The following HS3ST4 variants were observed in gnomAD, a reference collection of about 807,000 sequenced individuals.
HS3ST4 encodes the protein heparan sulfate-glucosamine 3-sulfotransferase 4, also known as heparan sulfate glucosamine 3-O-sulfotransferase 4.
HS3ST4 carries 17 observed loss-of-function variants against 29.2 expected under a neutral mutation model. The ratio of observed to expected loss-of-function variants is 0.58; its 90% CI spans 0.40 to 0.87. The LOEUF (loss-of-function observed/expected upper bound fraction) is 0.87. Among genes scored for constraint, HS3ST4 ranks in the 40% least tolerant of loss-of-function variants. The probability of loss-of-function intolerance (pLI) is 0.00; values close to 1 mark genes in which losing one functional copy is unlikely to be tolerated. For synonymous variants in HS3ST4, 314 were observed against 285.7 expected (o/e 1.10, Z -1.00); for missense variants, 627 against 634.5 (o/e 0.99, Z 0.13).
At chr16:26,019,209 G>A (rs1567294906) in intron 1 of HS3ST4, among the ~76,000 whole-genome samples, 1 of 152,010 alleles carries the variant, frequency 6.6e-6, no homozygotes, top group Non-Finnish European at 1.5e-5. Context: ...TGTCCAGGGG[G>A]GCAGTGGGGT....
At chr16:25,707,813 T>C (rs1966385983) in intron 1 of HS3ST4, among the ~76,000 whole-genome samples, 1 of 152,206 alleles carries the variant, frequency 6.6e-6, no homozygotes, top group Non-Finnish European at 1.5e-5. Context: ...CCACTTACAA[T>C]GTTTCTTTGC....
chr16:25,929,106 C>T (rs144927679), intron 1 of HS3ST4, among the ~76,000 whole-genome samples: 1,527 of 152,090 alleles, frequency 0.01, 31 homozygotes, highest in African/African-American at 0.035. Flanking sequence ...TCAGGTGGAC[C>T]GGCGTGGGGG....
At chr16:26,106,518 T>A (rs1329051123) in intron 1 of HS3ST4, among the ~76,000 whole-genome samples, 1 of 152,092 alleles carries the variant, frequency 6.6e-6, no homozygotes, top group African/African-American at 2.4e-5. Context: ...CACTGTAGAG[T>A]ATGAGGTTTG....
In HS3ST4 at chr16:26,066,051, C is replaced by T. The variant is rs149227910; in HGVS notation, c.735-69561C>T. On this transcript the variant is annotated intron_variant, in intron 1 of 1. Transcript: ENST00000331351. ...GGTGGACATGAGATCCATACAGCTG[C>T]CCGTTGTATGATATGCCATATCTTT... 6.5e-3 allele frequency among the ~76,000 whole-genome samples: 993 copies of T among 152,298 alleles called. 10 individuals are homozygous for T. Among genetic ancestry groups the T allele is most frequent in the African/African-American group, 0.022 (932 of 41,552 alleles).
intron 1 of HS3ST4, among the ~76,000 whole-genome samples, chr16:26,007,673 C>T (rs1478074824): frequency 1.3e-5 from 2 of 152,220 alleles, no homozygotes; most frequent in African/African-American, 4.8e-5. Flanking sequence ...CTGATTTGTG[C>T]TTTCAGGCAT....
intron 1 of HS3ST4, among the ~76,000 whole-genome samples, chr16:25,851,632 C>T (rs1044524519): frequency 6.6e-5 from 10 of 152,138 alleles, no homozygotes; most frequent in Non-Finnish European, 1.5e-4. Flanking sequence ...AAAGCTGGTG[C>T]AGCACAGCTA....
intron 1 of HS3ST4, among the ~76,000 whole-genome samples, chr16:26,068,824 G>T (rs74013250): frequency 0.037 from 5,659 of 151,940 alleles, 350 homozygotes; most frequent in African/African-American, 0.13. Flanking sequence ...TAGGTGAATT[G>T]TTTGATTTTT....
chr16:25,700,153 G>A lies in HS3ST4; in HGVS notation c.734+7002G>A, dbSNP rs955971958. Reference sequence around the variant, plus strand: ...AGCTCTCCAGAGAATAATCAGAACCGGATTCCAGAATTTGGTCTATTGTAA... The same window carrying A: ...AGCTCTCCAGAGAATAATCAGAACCAGATTCCAGAATTTGGTCTATTGTAA... On this transcript the variant is annotated intron_variant, in intron 1 of 1. Coordinates refer to ENST00000331351, the MANE Select transcript of HS3ST4 (RefSeq NM_006040.3). 3.3e-5 allele frequency among the ~76,000 whole-genome samples: 5 copies of A among 152,154 alleles called. No homozygotes were observed. In the South Asian group the frequency reaches 6.2e-4, roughly 19 times the overall value.
At chr16:26,011,200 T>A (rs1288877056) in intron 1 of HS3ST4, among the ~76,000 whole-genome samples, 1 of 152,114 alleles carries the variant, frequency 6.6e-6, no homozygotes, top group Admixed American at 6.6e-5. Flanking sequence ...GATAAATACA[T>A]GAAATTAGAG....
At chr16:25,981,357 GTAGTTCAGGGA>G (rs900722618) in intron 1 of HS3ST4, among the ~76,000 whole-genome samples, 7 of 151,958 alleles carry the variant, frequency 4.6e-5, no homozygotes, top group Admixed American at 3.9e-4. Context: ...AAGAAGGTAG[GTAGTTCAGGGA>G]TTTGGGTTTG....
At chr16:26,014,040 A>AAATAAATAAATG (rs1339897660) in intron 1 of HS3ST4, among the ~76,000 whole-genome samples, 3 of 151,658 alleles carry the variant, frequency 2.0e-5, no homozygotes, top group African/African-American at 4.8e-5. Context: ...ATAAATAAAT[A>AAATAAATAAATG]AAACAAAAAT....
intron 1 of HS3ST4, among the ~76,000 whole-genome samples, chr16:25,792,873 T>G (rs1966872500): frequency 6.6e-6 from 1 of 151,914 alleles, no homozygotes; most frequent in African/African-American, 2.4e-5. Flanking sequence ...ATTTTTGAGC[T>G]AGACAATTGT....
chr16:26,125,367 A>G (rs1281934968), intron 1 of HS3ST4, among the ~76,000 whole-genome samples: 2 of 152,166 alleles, frequency 1.3e-5, no homozygotes, highest in Non-Finnish European at 2.9e-5. Context: ...GGAGCATACA[A>G]CCTAGATCTC....
chr16:25,867,917 G>A (rs969499100), intron 1 of HS3ST4, among the ~76,000 whole-genome samples: 2 of 152,118 alleles, frequency 1.3e-5, no homozygotes, highest in South Asian at 2.1e-4. Context: ...TAAAGAGATC[G>A]ATAGATACTA....
At chr16:25,893,410 C>G (rs966674374) in intron 1 of HS3ST4, among the ~76,000 whole-genome samples, 1 of 152,196 alleles carries the variant, frequency 6.6e-6, no homozygotes, top group African/African-American at 2.4e-5. Context: ...GACAAAGTCC[C>G]AGGAAGGGAT....
chr16:26,110,925 C>T (rs1899120327), intron 1 of HS3ST4, among the ~76,000 whole-genome samples: 1 of 152,088 alleles, frequency 6.6e-6, no homozygotes, highest in Non-Finnish European at 1.5e-5. Context: ...CTTTTTAGAA[C>T]AGGTTTTCCC....
chr16:25,868,758 T>C (rs1967720602), intron 1 of HS3ST4, among the ~76,000 whole-genome samples: 3 of 152,194 alleles, frequency 2.0e-5, no homozygotes, highest in South Asian at 4.1e-4. Flanking sequence ...CGTTAACCTG[T>C]AGTCATTGCT....
At chr16:26,006,768 C>T (rs184532220) in intron 1 of HS3ST4, among the ~76,000 whole-genome samples, 2 of 152,316 alleles carry the variant, frequency 1.3e-5, no homozygotes, top group East Asian at 3.9e-4. Context: ...ATCTTGTAAG[C>T]TCCAGAATAA....
chr16:25,767,349 T>G (rs1175223651), intron 1 of HS3ST4, among the ~76,000 whole-genome samples: 1 of 152,046 alleles, frequency 6.6e-6, no homozygotes, highest in Non-Finnish European at 1.5e-5. Context: ...AAATACCCAG[T>G]GCAAACAGAT....
Sources: allele counts gnomAD v4.1 joint callset (sites outside exome capture counted in the v4.1 genomes callset), GRCh38; gene constraint gnomAD v4.1.1; transcripts MANE v1.5; gene names NCBI Gene and HGNC (gene_info 2026-07-23, HGNC 2026-07-21).